ELOVL5: variants seen among roughly 807,000 people sequenced by gnomAD.
The protein encoded by ELOVL5 is very long chain fatty acid elongase 5.
In ELOVL5, 8 loss-of-function variants were observed where a neutral mutation model predicts 38.6. That is an observed-to-expected ratio of 0.21 (90% confidence interval 0.12 to 0.37). The LOEUF (loss-of-function observed/expected upper bound fraction) is 0.37, where lower values mean the gene tolerates loss of function less well. ELOVL5 is among the 10% of genes least tolerant of loss of function. ELOVL5 has a pLI of 1.00. For missense variants in ELOVL5, 280 were observed against 367.8 expected, an observed-to-expected ratio of 0.76 and a Z score of 1.95; for synonymous variants, 127 against 133.7, an observed-to-expected ratio of 0.95 and a Z score of 0.34.
At chr6:53,306,142 G>A (rs1161244337) in intron 1 of ELOVL5, among the ~76,000 whole-genome samples, 1 of 148,738 alleles carries the variant, frequency 6.7e-6, no homozygotes. Flanking sequence ...GCAGTGAGCC[G>A]AGATGGCAGC....
intron 1 of ELOVL5, among the ~76,000 whole-genome samples, chr6:53,298,922 TA>T (rs1417878847): frequency 4.8e-5 from 7 of 146,514 alleles, no homozygotes; most frequent in African/African-American, 1.8e-4. Context: ...GTTGATAATA[TA>T]TCAGGAGAGG....
chr6:53,291,748 AG>A, intron 3 of ELOVL5, 27 bp downstream of exon 3: 1 of 1,551,124 alleles, frequency 6.4e-7, no homozygotes, highest in Non-Finnish European at 8.7e-7. Context: ...TTTATGTGAA[AG>A]GAAGACTGTG....
At chr6:53,280,089 T>C (rs1766295191) in intron 3 of ELOVL5, among the ~76,000 whole-genome samples, 1 of 152,220 alleles carries the variant, frequency 6.6e-6, no homozygotes, top group South Asian at 2.1e-4. Flanking sequence ...GCTGTTTTGG[T>C]CAATTTCCCA....
At chr6:53,330,797 T>C (rs1768765935) in intron 1 of ELOVL5, among the ~76,000 whole-genome samples, 1 of 152,194 alleles carries the variant, frequency 6.6e-6, no homozygotes, top group South Asian at 2.1e-4. Context: ...GTAAGCTTTT[T>C]TCTATTAATT....
intron 1 of ELOVL5, among the ~76,000 whole-genome samples, chr6:53,313,589 T>C (rs1767925281): frequency 6.6e-6 from 1 of 152,250 alleles, no homozygotes; most frequent in Non-Finnish European, 1.5e-5. Context: ...CTTGAACTCC[T>C]GGGCTCAAGC....
intron 1 of ELOVL5, among the ~76,000 whole-genome samples, chr6:53,313,146 T>C (rs1767908863): frequency 6.6e-6 from 1 of 152,232 alleles, no homozygotes; most frequent in African/African-American, 2.4e-5. Context: ...CTGATTAAAA[T>C]GTAATCTTTG....
At chr6:53,335,049 G>A (rs1481651270) in intron 1 of ELOVL5, among the ~76,000 whole-genome samples, 2 of 152,288 alleles carry the variant, frequency 1.3e-5, no homozygotes, top group Non-Finnish European at 2.9e-5. Flanking sequence ...CACCTATTAC[G>A]TGAAAAGGCC....
At chr6:53,278,563 A>G (rs889830601) in intron 3 of ELOVL5, among the ~76,000 whole-genome samples, 4 of 152,182 alleles carry the variant, frequency 2.6e-5, no homozygotes, top group Non-Finnish European at 5.9e-5. Flanking sequence ...GAATCCATGT[A>G]TAAAACACCT....
intron 2 of ELOVL5, chr6:53,294,162 A>G: frequency 9.1e-6 from 13 of 1,421,952 alleles, no homozygotes; most frequent in Non-Finnish European, 1.2e-5. Context: ...AAATTGGCAC[A>G]TATTCATCCT....
At chr6:53,331,997 A>G (rs1768825397) in intron 1 of ELOVL5, among the ~76,000 whole-genome samples, 1 of 152,168 alleles carries the variant, frequency 6.6e-6, no homozygotes, top group African/African-American at 2.4e-5. Context: ...CAAGACAAAG[A>G]AGAGCAAGAG....
intron 3 of ELOVL5, among the ~76,000 whole-genome samples, chr6:53,284,264 T>G (rs1766476859): frequency 6.6e-6 from 1 of 151,122 alleles, no homozygotes; most frequent in Non-Finnish European, 1.5e-5. Flanking sequence ...TATGACCATG[T>G]CACTGCACTT....
chr6:53,301,979 G>C (rs1245327752), intron 1 of ELOVL5, among the ~76,000 whole-genome samples: 4 of 152,094 alleles, frequency 2.6e-5, no homozygotes, highest in Admixed American at 6.6e-5. Flanking sequence ...GCACACCTTC[G>C]TCTGACTCAC....
intron 1 of ELOVL5, among the ~76,000 whole-genome samples, chr6:53,347,257 A>C (rs1195032351): frequency 6.6e-6 from 1 of 152,230 alleles, no homozygotes; most frequent in East Asian, 1.9e-4. Flanking sequence ...AGTTCCTGGC[A>C]ATAAGAAGTT....
intron 1 of ELOVL5, among the ~76,000 whole-genome samples, chr6:53,320,105 A>T (rs186719357): frequency 5.9e-5 from 9 of 152,228 alleles, no homozygotes; most frequent in African/African-American, 1.9e-4. Context: ...CCTTGAGCCC[A>T]GAAGTTTGAG....
In ELOVL5 at chr6:53,268,693, C is replaced by T. The variant is rs932148851; in HGVS notation, c.*434G>A. 6.5e-6 allele frequency: 1 copy of T among 153,132 alleles called. No homozygotes were observed. Among genetic ancestry groups the T allele is most frequent in the Non-Finnish European group, 1.5e-5 (1 of 68,578 alleles). 9.5% of individuals were successfully genotyped at this position (153,132 alleles called of 1,614,324 possible). Reference sequence around the variant, plus strand: ...TAATTTAAACTAATAAGCTTTGGGCCCTGCTTTTTAAATTTTAAGGCATGT... The same window carrying T: ...TAATTTAAACTAATAAGCTTTGGGCTCTGCTTTTTAAATTTTAAGGCATGT... On this transcript the variant is annotated 3_prime_UTR_variant, in exon 8 of 8. Transcript: ENST00000304434.
intron 5 of ELOVL5, among the ~76,000 whole-genome samples, chr6:53,273,768 G>T (rs938643938): frequency 6.6e-6 from 1 of 152,206 alleles, no homozygotes; most frequent in Non-Finnish European, 1.5e-5. Flanking sequence ...CATTTGCTGG[G>T]GTGTGGAGAG....
intron 1 of ELOVL5, among the ~76,000 whole-genome samples, chr6:53,299,668 T>C (rs1341758917): frequency 6.6e-6 from 1 of 152,200 alleles, no homozygotes; most frequent in Non-Finnish European, 1.5e-5. Flanking sequence ...AGAATCCTGT[T>C]ACAAGCCATC....
chr6:53,348,028 C>CG (rs1300073960), intron 1 of ELOVL5, among the ~76,000 whole-genome samples: 2 of 151,328 alleles, frequency 1.3e-5, no homozygotes, highest in South Asian at 2.1e-4. Flanking sequence ...AACCGCCCCC[C>CG]CGCCGCGCGC....
intron 1 of ELOVL5, among the ~76,000 whole-genome samples, chr6:53,341,365 C>T (rs1283180200): frequency 6.6e-6 from 1 of 152,190 alleles, no homozygotes; most frequent in African/African-American, 2.4e-5. Flanking sequence ...GTATCTAAAG[C>T]TGCAAATACA....
Sources: gnomAD v4.1 joint callset for allele counts (sites outside exome capture counted in the v4.1 genomes callset) on GRCh38, gnomAD v4.1.1 for gene constraint, MANE v1.5 for transcripts, NCBI Gene and HGNC (gene_info 2026-07-23, HGNC 2026-07-21) for gene names.